Variants in LETMD1 observed in about 807,000 individuals in gnomAD.
LETMD1 encodes LETM1 domain containing 1, also known as LETM1 domain-containing protein 1.
In LETMD1, 30 loss-of-function variants were observed where a neutral mutation model predicts 43.9. That is an observed-to-expected ratio of 0.68 (90% confidence interval 0.51 to 0.93). The LOEUF is 0.93. Ranked by LOEUF, LETMD1 falls within the 40% of genes least tolerant of loss-of-function variation. The probability of loss-of-function intolerance (pLI) is 0.00; values close to 1 mark genes in which losing one functional copy is unlikely to be tolerated. For synonymous variants in LETMD1, 176 were observed against 163.1 expected, an observed-to-expected ratio of 1.08 and a Z score of -0.60; for missense variants, 413 against 447.7, an observed-to-expected ratio of 0.92 and a Z score of 0.70.
At position 51,059,463 on chromosome 12, in the gene LETMD1, A is replaced by G; in HGVS notation, c.*32A>G. The G allele has an allele frequency of 5.7e-6, 9 of 1,590,766 alleles. No homozygotes were observed. The highest frequency in any genetic ancestry group is 6.9e-6 in the Non-Finnish European group (8 of 1,158,810). On this transcript the variant is annotated 3_prime_UTR_variant, in exon 9 of 9. Coordinates refer to ENST00000262055, the MANE Select transcript of LETMD1 (RefSeq NM_015416.5). The stretch of plus-strand genomic sequence containing the variant: ...CATGGAGCGGATGGCATTGTCCTGC[A>G]GTCGTATAGTATAGCAGTGCAGGAA...
At chr12:51,064,362 T>C (rs1338763453), downstream of LETMD1, 1 of 1,614,088 alleles carries the variant, frequency 6.2e-7, no homozygotes, top group Non-Finnish European at 8.5e-7. Flanking sequence ...GGAATCTTCT[T>C]CTGCCTTGAG....
downstream of LETMD1, chr12:51,062,477 G>A (rs1592733264): frequency 6.6e-6 from 1 of 152,224 alleles, no homozygotes; most frequent in African/African-American, 2.4e-5. Context: ...CCTCCTGACA[G>A]AGGTAAGAAC....
intron 8 of LETMD1, chr12:51,058,841 T>C (rs1225298619): frequency 4.2e-5 from 7 of 165,026 alleles, no homozygotes; most frequent in Admixed American, 3.5e-4. Flanking sequence ...CATTGCCAAA[T>C]GTCCTAGGGG....
chr12:51,048,482 A>T lies in LETMD1; in HGVS notation c.122+4A>T. ...GCCTGGCTTGGGGGGCCCCTCGGTGAGGGACCTGTAGCGAGAAAAGCATTT... is the reference window on the plus strand; with the variant it reads ...GCCTGGCTTGGGGGGCCCCTCGGTGTGGGACCTGTAGCGAGAAAAGCATTT... On this transcript the variant is annotated splice_donor_region_variant and intron_variant, in intron 1 of 8. Coordinates refer to ENST00000262055, the MANE Select transcript of LETMD1 (RefSeq NM_015416.5). The T allele has an allele frequency of 6.2e-7, 1 of 1,612,830 alleles. No homozygotes were observed.
At chr12:51,051,677 A>T (rs1251804484) in intron 2 of LETMD1, among the ~76,000 whole-genome samples, 1 of 152,180 alleles carries the variant, frequency 6.6e-6, no homozygotes, top group Non-Finnish European at 1.5e-5. Flanking sequence ...ACTGCACTCC[A>T]GCCTGGGCAA....
At chr12:51,067,724 C>T in the LETMD1 span, 2 of 1,614,196 alleles carry the variant, frequency 1.2e-6, no homozygotes. The surrounding 1 kb of genome is among the most constrained non-coding windows in gnomAD (Gnocchi z 4.1). Context: ...GGTCACAATA[C>T]AGTCGGCAGT....
the LETMD1 span, among the ~76,000 whole-genome samples, chr12:51,065,883 TAAAG>T: frequency 1.6e-3 from 242 of 152,244 alleles, no homozygotes; most frequent in Non-Finnish European, 2.6e-3. Flanking sequence ...CAGCTAAAAA[TAAAG>T]AAAGAGTGAG....
the LETMD1 span, among the ~76,000 whole-genome samples, chr12:51,067,050 G>A: frequency 3.2e-4 from 48 of 151,950 alleles, no homozygotes; most frequent in Admixed American, 6.6e-5. This position sits in a 1 kb window ranked among gnomAD's most constrained non-coding sequence, Gnocchi z 4.1. Flanking sequence ...GGCTGGTCTC[G>A]AACTCCTGGG....
chr12:51,067,564 CAACCATAGGGA>C, the LETMD1 span: 7 of 1,079,708 alleles, frequency 6.5e-6, no homozygotes, highest in Non-Finnish European at 9.5e-6. This position sits in a 1 kb window ranked among gnomAD's most constrained non-coding sequence, Gnocchi z 4.1. Context: ...AGAGTGTTCA[CAACCATAGGGA>C]ATCCACCCCT....
the LETMD1 span, among the ~76,000 whole-genome samples, chr12:51,067,214 T>G: frequency 6.6e-6 from 1 of 152,142 alleles, no homozygotes; most frequent in East Asian, 1.9e-4. This position sits in a 1 kb window ranked among gnomAD's most constrained non-coding sequence, Gnocchi z 4.1. Flanking sequence ...TAGGAAACAT[T>G]TACTAAATGT....
the LETMD1 span, among the ~76,000 whole-genome samples, chr12:51,065,499 T>A: frequency 1.3e-5 from 2 of 151,438 alleles, no homozygotes; most frequent in African/African-American, 4.9e-5. Context: ...AGTTATACCA[T>A]TTTTTTTTCC....
the LETMD1 span, among the ~76,000 whole-genome samples, chr12:51,067,463 T>G: frequency 1.3e-5 from 2 of 152,064 alleles, no homozygotes; most frequent in African/African-American, 4.8e-5. The surrounding 1 kb of genome is among the most constrained non-coding windows in gnomAD (Gnocchi z 4.1). Flanking sequence ...TACCTCAGCC[T>G]CCCACATAGC....
chr12:51,054,975 C>T (rs1947220549), intron 4 of LETMD1, among the ~76,000 whole-genome samples: 1 of 152,054 alleles, frequency 6.6e-6, no homozygotes, highest in Non-Finnish European at 1.5e-5. Flanking sequence ...TGGCGGGTGC[C>T]TGTAATCCCA....
Position 51,056,399 on chromosome 12 carries a change from T to G in LETMD1, c.812T>G (p.Leu271Trp). 6.2e-7 allele frequency: 1 copy of G among 1,614,210 alleles called. No individual in the cohort carries two copies. Among genetic ancestry groups the G allele is most frequent in the Non-Finnish European group, 8.5e-7 (1 of 1,180,040 alleles). Residue 271 changes from leucine to tryptophan, a missense_variant, in exon 7 of 9, where the codon TTG (leucine) becomes TGG (tryptophan). By Grantham distance (61) the Leu-to-Trp change is moderately conservative (BLOSUM62 -2). Transcript: ENST00000262055. The part of the protein sequence containing the change: ...MLLTSYLPPP[L>W]LRHRLKTHTT... ...CTCACATCTTACCTGCCTCCTCCCT[T>G]GTTGAGACATCGTTTGAAGACTCAT...
downstream of LETMD1, chr12:51,064,513 C>T (rs368532972): frequency 2.3e-5 from 37 of 1,612,790 alleles, no homozygotes; most frequent in Non-Finnish European, 3.0e-5. Context: ...TCATCTGGGG[C>T]TGCTGGGCGG....
At position 51,048,407 on chromosome 12, in the gene LETMD1, A is replaced by G. The variant is rs1306793761; in HGVS notation, c.51A>G (p.Ala17=). The part of the protein sequence containing the change: ...CWARSAVWGS[A]VTPGHFVTRR... ...CTCGGTCGGCTGTGTGGGGCTCGGC[A>G]GTCACCCCTGGACATTTTGTCACCC... Residue 17 remains alanine (A), a synonymous_variant, in exon 1 of 9, where the codon GCA becomes GCG. Coordinates refer to ENST00000262055, the MANE Select transcript of LETMD1 (RefSeq NM_015416.5). The G allele has an allele frequency of 1.2e-6, 2 of 1,612,960 alleles. No individual in the cohort carries two copies. Among genetic ancestry groups the G allele is most frequent in the Non-Finnish European group, 1.7e-6 (2 of 1,179,658 alleles).
At chr12:51,064,696 A>G, downstream of LETMD1, 2 of 1,496,058 alleles carry the variant, frequency 1.3e-6, no homozygotes, top group Non-Finnish European at 1.8e-6. Context: ...AGGTTGGGGC[A>G]AGATGAGACC....
downstream of LETMD1, chr12:51,063,863 G>C (rs376540049): frequency 6.2e-6 from 10 of 1,613,990 alleles, no homozygotes; most frequent in South Asian, 1.1e-4. Context: ...GGAGGCTTGA[G>C]GGGGACCAGG....
chr12:51,061,302 G>GA, downstream of LETMD1: 1 of 152,578 alleles, frequency 6.6e-6, no homozygotes, highest in East Asian at 1.9e-4. Context: ...ATTATTTTCA[G>GA]AGAACCAGAC....
Sources: allele counts gnomAD v4.1 joint callset (sites outside exome capture counted in the v4.1 genomes callset), GRCh38; gene constraint gnomAD v4.1.1; non-coding constraint Gnocchi (gnomAD v3.1); transcripts MANE v1.5; gene names NCBI Gene and HGNC (gene_info 2026-07-23, HGNC 2026-07-21).